RBFOX1: variants seen among roughly 807,000 people sequenced by gnomAD.
The protein encoded by RBFOX1 is RNA binding fox-1 homolog 1, also known as RNA binding protein fox-1 homolog 1.
A neutral mutation model predicts 57.7 loss-of-function variants in RBFOX1; 8 were observed. The ratio of observed to expected loss-of-function variants is 0.14; its 90% CI spans 0.08 to 0.25. The LOEUF is 0.25. RBFOX1 is among the 10% of genes least tolerant of loss of function. RBFOX1 has a pLI of 1.00. For synonymous variants in RBFOX1, 326 were observed against 222.4 expected, an observed-to-expected ratio of 1.47 and a Z score of -4.15; for missense variants, 611 against 548.5, an observed-to-expected ratio of 1.11 and a Z score of -1.14.
intron 10 of RBFOX1, among the ~76,000 whole-genome samples, chr16:7,612,399 C>A (rs1332463888): frequency 1.4e-5 from 2 of 147,456 alleles, no homozygotes; most frequent in Non-Finnish European, 3.0e-5. Context: ...GTCATGAAGT[C>A]TTTGGCCAAT....
intron 4 of RBFOX1, among the ~76,000 whole-genome samples, chr16:5,958,399 T>C (rs1468995352): frequency 6.6e-6 from 1 of 152,172 alleles, no homozygotes; most frequent in Non-Finnish European, 1.5e-5. Context: ...CCTCAAAGCC[T>C]TCCTATCATA....
At position 6,922,336 on chromosome 16, in the gene RBFOX1, C is replaced by G. The variant is rs546189565; in HGVS notation, c.-15-129721C>G. ...AGTTCCGAGTGTCCGGTGGTAATGG[C>G]AAGTTTCGCATGCTGCAGCCCCTTG... On this transcript the variant is annotated intron_variant, in intron 3 of 15. Transcript: ENST00000550418. 1.2e-4 allele frequency among the ~76,000 whole-genome samples: 18 copies of G among 152,182 alleles called. No homozygotes were observed. In the South Asian group the frequency reaches 2.9e-3, roughly 25 times the overall value.
intron 3 of RBFOX1, among the ~76,000 whole-genome samples, chr16:6,948,925 T>C (rs1399828103): frequency 6.6e-6 from 1 of 152,150 alleles, no homozygotes; most frequent in Admixed American, 6.6e-5. Context: ...GGAGAGTGGG[T>C]TATACCATCC....
chr16:6,063,506 C>CACACACACACA (rs780793142), intron 1 of RBFOX1, among the ~76,000 whole-genome samples: 4 of 42,528 alleles, frequency 9.4e-5, no homozygotes, highest in Admixed American at 2.2e-4. Context: ...CACACACACA[C>CACACACACACA]CCCCTTATAT....
intron 4 of RBFOX1, among the ~76,000 whole-genome samples, chr16:7,404,694 CT>C (rs1422697463): frequency 2.6e-5 from 4 of 151,982 alleles, no homozygotes; most frequent in Non-Finnish European, 4.4e-5. Context: ...TAAAAGAATG[CT>C]TTTTCAGAAA....
At chr16:6,584,945 C>T (rs1012634631) in intron 2 of RBFOX1, among the ~76,000 whole-genome samples, 4 of 152,174 alleles carry the variant, frequency 2.6e-5, no homozygotes, top group African/African-American at 9.7e-5. Flanking sequence ...TGACAACTTC[C>T]CTTTGCCTTA....
At chr16:7,642,563 T>C (rs1241939652) in intron 11 of RBFOX1, among the ~76,000 whole-genome samples, 1 of 152,234 alleles carries the variant, frequency 6.6e-6, no homozygotes, top group Non-Finnish European at 1.5e-5. Flanking sequence ...CCCTGTTTCC[T>C]ACCTGGAGAG....
chr16:6,602,852 C>T (rs909494978), intron 2 of RBFOX1, among the ~76,000 whole-genome samples: 7 of 152,092 alleles, frequency 4.6e-5, no homozygotes, highest in Non-Finnish European at 1.0e-4. Flanking sequence ...ACACCCCCAC[C>T]ATCACATGCA....
chr16:7,337,282 G>T (rs1418133705), intron 4 of RBFOX1, among the ~76,000 whole-genome samples: 2 of 152,136 alleles, frequency 1.3e-5, no homozygotes, highest in Non-Finnish European at 2.9e-5. Context: ...TGAAAACACA[G>T]GAAAGGAAGT....
intron 2 of RBFOX1, among the ~76,000 whole-genome samples, chr16:5,550,266 G>A (rs189839859): frequency 6.6e-6 from 1 of 152,160 alleles, no homozygotes; most frequent in Non-Finnish European, 1.5e-5. Context: ...GCACCCAATC[G>A]TGGCACCTGC....
At chr16:6,776,590 A>G (rs1435997530) in intron 3 of RBFOX1, among the ~76,000 whole-genome samples, 1 of 152,158 alleles carries the variant, frequency 6.6e-6, no homozygotes, top group Non-Finnish European at 1.5e-5. Flanking sequence ...TGATTTGGAC[A>G]TTTGGAGCCT....
chr16:7,707,260 C>G (rs1239528662), intron 14 of RBFOX1, among the ~76,000 whole-genome samples: 3 of 152,132 alleles, frequency 2.0e-5, no homozygotes, highest in African/African-American at 4.8e-5. Context: ...CACCTAGGGT[C>G]TAACTTGGAG....
At chr16:7,412,382 T>G (rs2098437889) in intron 4 of RBFOX1, among the ~76,000 whole-genome samples, 1 of 138,868 alleles carries the variant, frequency 7.2e-6, no homozygotes, top group African/African-American at 2.7e-5. Flanking sequence ...ACCAGTGCAC[T>G]CCAGGCTGGG....
At position 5,916,899 on chromosome 16, in the gene RBFOX1, A is replaced by G. The variant is rs529140987; in HGVS notation, c.351+49564A>G. 3.3e-5 allele frequency among the ~76,000 whole-genome samples: 5 copies of G among 151,952 alleles called. No homozygotes were observed. In the East Asian group the frequency reaches 9.7e-4, roughly 30 times the overall value. Reference sequence around the variant, plus strand: ...AAGCAGGTTTCCCAATGCCTGGGTGACTCCTGCCTCAGGACTGAATTCAGC... The same window carrying G: ...AAGCAGGTTTCCCAATGCCTGGGTGGCTCCTGCCTCAGGACTGAATTCAGC... On this transcript the variant is annotated intron_variant, in intron 4 of 19. Coordinates refer to the RBFOX1 transcript ENST00000641259.
chr16:6,676,385 A>T (rs1307680332), intron 3 of RBFOX1, among the ~76,000 whole-genome samples: 1 of 152,128 alleles, frequency 6.6e-6, no homozygotes, highest in Non-Finnish European at 1.5e-5. Flanking sequence ...CGCCTGCCCC[A>T]GTTGGGTCCT....
intron 1 of RBFOX1, among the ~76,000 whole-genome samples, chr16:5,254,122 T>C (rs543638223): frequency 6.6e-6 from 1 of 152,318 alleles, no homozygotes; most frequent in South Asian, 2.1e-4. Context: ...TATGCTCACC[T>C]AGAATTTGAT....
intron 2 of RBFOX1, among the ~76,000 whole-genome samples, chr16:6,502,023 T>C (rs952224894): frequency 6.6e-6 from 1 of 152,168 alleles, no homozygotes; most frequent in African/African-American, 2.4e-5. Context: ...GAATGCCTGC[T>C]TAGGGGGGTC....
intron 2 of RBFOX1, among the ~76,000 whole-genome samples, chr16:5,521,513 C>T (rs1197694426): frequency 6.0e-5 from 4 of 67,128 alleles, no homozygotes; most frequent in African/African-American, 9.8e-5. Context: ...TGTCAACGAA[C>T]CTATCTGTAA....
intron 4 of RBFOX1, among the ~76,000 whole-genome samples, chr16:7,056,175 C>A (rs2052177435): frequency 6.6e-6 from 1 of 152,144 alleles, no homozygotes; most frequent in African/African-American, 2.4e-5. Flanking sequence ...TTCCTGTCCC[C>A]TACCCTTCCC....
Sources: gnomAD v4.1 joint callset for allele counts (sites outside exome capture counted in the v4.1 genomes callset) on GRCh38, gnomAD v4.1.1 for gene constraint, MANE v1.5 for transcripts, NCBI Gene and HGNC (gene_info 2026-07-23, HGNC 2026-07-21) for gene names.